CTNND2: variants seen among roughly 807,000 people sequenced by gnomAD.
CTNND2 encodes catenin delta 2, also known as catenin delta-2.
A neutral mutation model predicts 144.4 loss-of-function variants in CTNND2; 22 were observed. That is an observed-to-expected ratio of 0.15 (90% CI 0.11 to 0.22). The LOEUF is 0.22. CTNND2 is among the 10% of genes least tolerant of loss of function. CTNND2 has a pLI of 1.00. For synonymous variants in CTNND2, 751 were observed against 695.6 expected (o/e 1.08, Z -1.25); for missense variants, 1,353 against 1,618.8 (o/e 0.84, Z 2.82).
chr5:11,316,636 C>T (rs963381494), intron 9 of CTNND2, among the ~76,000 whole-genome samples: 2 of 139,256 alleles, frequency 1.4e-5, no homozygotes, highest in East Asian at 2.1e-4. Flanking sequence ...TGCTATCCCT[C>T]CCCCTTCCCC....
chr5:11,700,716 ACT>A (rs1785394364), intron 2 of CTNND2, among the ~76,000 whole-genome samples: 1 of 152,154 alleles, frequency 6.6e-6, no homozygotes, highest in Non-Finnish European at 1.5e-5. Flanking sequence ...TAGATGGAAC[ACT>A]CTCAGATCTC....
chr5:11,016,538 C>T (rs1435011346), intron 18 of CTNND2, among the ~76,000 whole-genome samples: 1 of 152,164 alleles, frequency 6.6e-6, no homozygotes, highest in Non-Finnish European at 1.5e-5. Context: ...CGTCCCTGGC[C>T]AGTGAGTGGC....
At chr5:11,593,467 T>C (rs1436787137) in intron 2 of CTNND2, among the ~76,000 whole-genome samples, 1 of 152,130 alleles carries the variant, frequency 6.6e-6, no homozygotes, top group Admixed American at 6.5e-5. Context: ...ATTGATATAG[T>C]TTGGCTGTGC....
intron 1 of CTNND2, among the ~76,000 whole-genome samples, chr5:11,869,829 G>A (rs1422484910): frequency 2.0e-5 from 3 of 152,188 alleles, no homozygotes; most frequent in Admixed American, 2.0e-4. Context: ...GTCCAAATAT[G>A]TGTATTTCCT....
intron 12 of CTNND2, among the ~76,000 whole-genome samples, chr5:11,133,973 G>A (rs1421678348): frequency 6.6e-6 from 1 of 152,134 alleles, no homozygotes; most frequent in African/African-American, 2.4e-5. Flanking sequence ...ATACTAACTG[G>A]GGAAGGGGCT....
intron 2 of CTNND2, among the ~76,000 whole-genome samples, chr5:11,589,292 C>A (rs908901141): frequency 6.6e-6 from 1 of 150,666 alleles, no homozygotes; most frequent in Admixed American, 6.6e-5. Flanking sequence ...AACACACACA[C>A]ACACACACAC....
At chr5:11,332,445 C>T (rs958215375) in intron 9 of CTNND2, among the ~76,000 whole-genome samples, 2 of 152,052 alleles carry the variant, frequency 1.3e-5, no homozygotes. Context: ...CCTGGCCAGC[C>T]TGTAGTTGTC....
chr5:11,225,885 C>A (rs767195050), intron 10 of CTNND2, among the ~76,000 whole-genome samples: 1 of 152,150 alleles, frequency 6.6e-6, no homozygotes, highest in Non-Finnish European at 1.5e-5. Flanking sequence ...AGGCTAGGTC[C>A]TAATCCAGTA....
At chr5:11,876,965 T>A (rs77727150) in intron 1 of CTNND2, among the ~76,000 whole-genome samples, 4,443 of 152,288 alleles carry the variant, frequency 0.029, 115 homozygotes, top group African/African-American at 0.065. Flanking sequence ...GTAAATATTA[T>A]CTGCACATAG....
At chr5:11,527,413 C>G (rs572312935) in intron 3 of CTNND2, among the ~76,000 whole-genome samples, 183 of 152,286 alleles carry the variant, frequency 1.2e-3, no homozygotes, top group Non-Finnish European at 2.0e-3. Context: ...TTTCAAGTCT[C>G]CACTGCATCC....
At chr5:11,772,191 C>A (rs759632880) in intron 1 of CTNND2, among the ~76,000 whole-genome samples, 4 of 152,142 alleles carry the variant, frequency 2.6e-5, no homozygotes, top group Non-Finnish European at 5.9e-5. Flanking sequence ...TTAATTAAAT[C>A]TTCAACTTTT....
chr5:11,713,934 CA>C (rs139750900), intron 2 of CTNND2, among the ~76,000 whole-genome samples: 21,749 of 152,020 alleles, frequency 0.14, 1,984 homozygotes, highest in East Asian at 0.26. Context: ...CTGGGGACAG[CA>C]GGGGGGCGGG....
At chr5:11,039,399 T>G (rs778761070) in intron 16 of CTNND2, among the ~76,000 whole-genome samples, 7 of 152,222 alleles carry the variant, frequency 4.6e-5, no homozygotes, top group Non-Finnish European at 1.0e-4. Flanking sequence ...TGCTTTTTCT[T>G]TCTGTCTTCC....
intron 18 of CTNND2, among the ~76,000 whole-genome samples, chr5:11,009,622 C>T (rs1477118618): frequency 6.6e-6 from 1 of 152,174 alleles, no homozygotes; most frequent in Non-Finnish European, 1.5e-5. Flanking sequence ...TTTGATTCTG[C>T]CTTTTGTCTC....
intron 10 of CTNND2, among the ~76,000 whole-genome samples, chr5:11,223,340 C>T (rs1356168693): frequency 2.0e-5 from 3 of 152,216 alleles, no homozygotes; most frequent in African/African-American, 4.8e-5. Context: ...CCCCACTGTA[C>T]TCCAGCAGCC....
intron 3 of CTNND2, among the ~76,000 whole-genome samples, chr5:11,561,151 TG>T (rs1166916022): frequency 1.3e-5 from 2 of 152,176 alleles, no homozygotes; most frequent in African/African-American, 4.8e-5. Flanking sequence ...AGGTTAGGGC[TG>T]GCTACTACCA....
chr5:11,792,368 T>G (rs1480906134), intron 1 of CTNND2, among the ~76,000 whole-genome samples: 1 of 152,202 alleles, frequency 6.6e-6, no homozygotes, highest in Non-Finnish European at 1.5e-5. Flanking sequence ...CATTAATGAT[T>G]GTTAGCATAA....
intron 3 of CTNND2, among the ~76,000 whole-genome samples, chr5:11,554,008 T>G (rs987426849): frequency 1.3e-5 from 2 of 152,156 alleles, no homozygotes; most frequent in African/African-American, 4.8e-5. Flanking sequence ...CATAAAGTAT[T>G]CAACCTTTCT....
chr5:11,462,570 C>T (rs577057244), intron 3 of CTNND2, among the ~76,000 whole-genome samples: 1 of 150,772 alleles, frequency 6.6e-6, no homozygotes, highest in Non-Finnish European at 1.5e-5. Context: ...CCCAGAGTAA[C>T]AGAAGAATAT....
Sources: gnomAD v4.1 joint callset for allele counts (sites outside exome capture counted in the v4.1 genomes callset) on GRCh38, gnomAD v4.1.1 for gene constraint, MANE v1.5 for transcripts, NCBI Gene and HGNC (gene_info 2026-07-23, HGNC 2026-07-21) for gene names.